NAA35: variants seen among roughly 807,000 people sequenced by gnomAD.
NAA35 encodes N-alpha-acetyltransferase 35, NatC auxiliary subunit.
In NAA35, 18 loss-of-function variants were observed where a neutral mutation model predicts 101.7. The ratio of observed to expected loss-of-function variants is 0.18; its 90% CI spans 0.12 to 0.26. The LOEUF is 0.26. Among genes scored for constraint, NAA35 ranks in the 10% least tolerant of loss-of-function variants. NAA35 has a pLI of 1.00. For missense variants in NAA35, 601 were observed against 886.8 expected, an observed-to-expected ratio of 0.68 and a Z score of 4.09; for synonymous variants, 267 against 273.1, an observed-to-expected ratio of 0.98 and a Z score of 0.22.
chr9:85,963,792 C>T (rs1829626223), intron 6 of NAA35, among the ~76,000 whole-genome samples: 1 of 152,238 alleles, frequency 6.6e-6, no homozygotes, highest in Non-Finnish European at 1.5e-5. Context: ...GAGAGGATTC[C>T]TTGAACAACA....
rs1831165611 is a variant in NAA35, at chr9:85,996,480, T to G, written c.959T>G (p.Ile320Ser). Residue 320 changes from isoleucine (I) to serine (S), a missense_variant, in exon 12 of 23, where the codon ATT (isoleucine) becomes AGT (serine). Ile to Ser is a moderately radical substitution (Grantham distance 142). Transcript: ENST00000361671. ...PPTFPRYAKIIKREEMVNYFA... is the reference protein window; with the variant it reads ...PPTFPRYAKISKREEMVNYFA... Reference sequence around the variant, plus strand: ...ACCTTCCCTCGATATGCAAAAATAATTAAAAGGGAAGAAATGGTGAACTAT... The same window carrying G: ...ACCTTCCCTCGATATGCAAAAATAAGTAAAAGGGAAGAAATGGTGAACTAT... The G allele has an allele frequency of 1.9e-6, 3 of 1,610,074 alleles. No homozygotes were observed. Among genetic ancestry groups the G allele is most frequent in the Non-Finnish European group, 2.5e-6 (3 of 1,178,490 alleles).
In NAA35 at chr9:85,965,345, G is replaced by A. The variant is rs114955669; in HGVS notation, c.516+3165G>A. Among the ~76,000 whole-genome samples the A allele has an allele frequency of 7.7e-3, 1,168 of 152,300 alleles. 12 individuals carry two copies. Among genetic ancestry groups the A allele is most frequent in the African/African-American group, 0.026 (1,087 of 41,572 alleles). On this transcript the variant is annotated intron_variant, in intron 6 of 22. Coordinates refer to ENST00000361671, the MANE Select transcript of NAA35 (RefSeq NM_024635.4). ...TCATACAATCAAGTGCTTTGCTGCTGGCCAGGCATGGTGGCTCATGCCTAT... is the reference window on the plus strand; with the variant it reads ...TCATACAATCAAGTGCTTTGCTGCTAGCCAGGCATGGTGGCTCATGCCTAT...
chr9:85,942,131 CTTACATCAGTATTAATT>C lies in NAA35; in HGVS notation c.-5-18_-5-2del. On this transcript the variant is annotated splice_region_variant and splice_polypyrimidine_tract_variant and intron_variant, in intron 1 of 22. Coordinates refer to ENST00000361671, the MANE Select transcript of NAA35 (RefSeq NM_024635.4). Reference sequence around the variant, plus strand: ...TTGCCCTGAAAGCTACATCCTCTCTCTTACATCAGTATTAATTTTACAGGCATAATGGTTATGAAAGC... The same window carrying C: ...TTGCCCTGAAAGCTACATCCTCTCTCTTACAGGCATAATGGTTATGAAAGC... The C allele has an allele frequency of 5.0e-6, 8 of 1,607,306 alleles. No individual in the cohort carries two copies. The highest frequency in any genetic ancestry group is 6.8e-6 in the Non-Finnish European group (8 of 1,177,970).
At chr9:85,963,263 CTT>C (rs527736196) in intron 6 of NAA35, among the ~76,000 whole-genome samples, 197 of 72,322 alleles carry the variant, frequency 2.7e-3, no homozygotes, top group African/African-American at 0.011. Context: ...GAAGGTATGG[CTT>C]TTTTTTTTTT....
intron 22 of NAA35, 39 bp from the exon 23 acceptor site, chr9:86,021,862 T>C: frequency 6.8e-7 from 1 of 1,470,702 alleles, no homozygotes; most frequent in Non-Finnish European, 9.5e-7. Context: ...ATCTGAATAT[T>C]TGTAGATACA....
intron 2 of NAA35, 29 bp downstream of exon 2, chr9:85,942,312 A>C: frequency 6.2e-7 from 1 of 1,610,442 alleles, no homozygotes; most frequent in Non-Finnish European, 8.5e-7. Flanking sequence ...TTAGAAGTTC[A>C]GCATCTGGAA....
At chr9:85,944,439 CCAGATTTGGGCGT>C (rs972558222) in intron 2 of NAA35, among the ~76,000 whole-genome samples, 6 of 152,162 alleles carry the variant, frequency 3.9e-5, no homozygotes, top group Admixed American at 3.9e-4. Context: ...TGCACTCAGC[CCAGATTTGGGCGT>C]TAAGGCCTTG....
chr9:86,003,674 T>C (rs531653151), intron 13 of NAA35, 30 bp downstream of exon 13: 2 of 1,354,224 alleles, frequency 1.5e-6, no homozygotes, highest in East Asian at 2.3e-5. Context: ...AAAATACTTA[T>C]TTAAACATTA....
Position 86,018,680 on chromosome 9 carries a change from T to C in NAA35, c.1915-19T>C, listed in dbSNP as rs760757139. 42 of 1,603,556 alleles carry C rather than the reference T, an allele frequency of 2.6e-5. No homozygotes were observed. Among genetic ancestry groups the C allele is most frequent in the Non-Finnish European group, 3.4e-5 (40 of 1,177,248 alleles). The stretch of plus-strand genomic sequence containing the variant: ...TTCATATTAAACGTGTTTTGAATTA[T>C]ACTTCCCCTTCTTTTTAGGAAATGT... On this transcript the variant is annotated intron_variant, in intron 20 of 22. Coordinates refer to ENST00000361671, the MANE Select transcript of NAA35 (RefSeq NM_024635.4).
At chr9:85,969,091 A>G (rs1829887554) in intron 6 of NAA35, among the ~76,000 whole-genome samples, 1 of 152,098 alleles carries the variant, frequency 6.6e-6, no homozygotes, top group African/African-American at 2.4e-5. Context: ...TGCTATGCCC[A>G]CTACACAGCT....
At position 86,005,091 on chromosome 9, in the gene NAA35, CAG is replaced by C. The variant is rs1386388503; in HGVS notation, c.1116+1449_1116+1450del. 5.3e-5 allele frequency among the ~76,000 whole-genome samples: 8 copies of C among 152,212 alleles called. No homozygotes were observed. The East Asian group carries it at 1.5e-3, about 29-fold the overall frequency. On this transcript the variant is annotated intron_variant, in intron 13 of 22. Transcript: ENST00000361671. The stretch of plus-strand genomic sequence containing the variant: ...ATGTAAAAATCTTATTCCATGAACA[CAG>C]ATGTAAAAATCTTCAATAAATTATT...
intron 22 of NAA35, among the ~76,000 whole-genome samples, chr9:86,021,437 C>T (rs978064832): frequency 2.0e-5 from 3 of 152,160 alleles, no homozygotes; most frequent in African/African-American, 7.2e-5. Context: ...AGGCCAGCCG[C>T]GGAGGCACCG....
chr9:85,956,327 A>G (rs1564288673), intron 2 of NAA35, 33 bp from the exon 3 acceptor site: 3 of 1,263,406 alleles, frequency 2.4e-6, no homozygotes, highest in Non-Finnish European at 3.3e-6. Flanking sequence ...AAATATAAAT[A>G]TGTTCAAAGG....
At chr9:86,002,024 A>G (rs755362244) in intron 12 of NAA35, among the ~76,000 whole-genome samples, 1 of 152,096 alleles carries the variant, frequency 6.6e-6, no homozygotes, top group Non-Finnish European at 1.5e-5. Flanking sequence ...TTCTATATTT[A>G]GGGCTCCTTT....
chr9:86,022,624 G>A lies in NAA35; in HGVS notation c.*664G>A, dbSNP rs1832618847. 6.6e-6 allele frequency among the ~76,000 whole-genome samples: 1 copy of A among 152,174 alleles called. No homozygotes were observed. Among genetic ancestry groups the A allele is most frequent in the Admixed American group, 6.5e-5 (1 of 15,276 alleles). On this transcript the variant is annotated 3_prime_UTR_variant, in exon 23 of 23. Coordinates refer to ENST00000361671, the MANE Select transcript of NAA35 (RefSeq NM_024635.4). ...TTTGCTGGTGACATGCAAAAAGGAGGCAGATAGAAATGTATATAGATTAAA... is the reference window on the plus strand; with the variant it reads ...TTTGCTGGTGACATGCAAAAAGGAGACAGATAGAAATGTATATAGATTAAA...
intron 2 of NAA35, among the ~76,000 whole-genome samples, chr9:85,955,521 C>T (rs1484434155): frequency 4.6e-5 from 7 of 151,130 alleles, no homozygotes; most frequent in Non-Finnish European, 5.9e-5. Context: ...CACCACCACA[C>T]CTGGCTAATT....
intron 21 of NAA35, among the ~76,000 whole-genome samples, chr9:86,019,514 G>T (rs564401953): frequency 2.6e-5 from 4 of 151,910 alleles, no homozygotes; most frequent in Non-Finnish European, 5.9e-5. Context: ...AAAATGACCG[G>T]GTCAGTTATC....
At position 86,007,412 on chromosome 9, in the gene NAA35, A is replaced by G. The variant is rs751936215; in HGVS notation, c.1171A>G (p.Met391Val). Residue 391 changes from methionine (M) to valine (V), a missense_variant, in exon 14 of 23, where the codon ATG becomes GTG. Around this residue, in one of 8 missense-constraint regions of NAA35, gnomAD observed 190 missense variants for 223.1 expected, o/e 0.85. Coordinates refer to ENST00000361671, the MANE Select transcript of NAA35 (RefSeq NM_024635.4). The part of the protein sequence containing the change: ...KVFGTHLMQD[M>V]VKDALRSFVS... ...CTTTGGAACTCATCTCATGCAAGACATGGTGAAAGATGCACTTCGGTCTTT... is the reference window on the plus strand; with the variant it reads ...CTTTGGAACTCATCTCATGCAAGACGTGGTGAAAGATGCACTTCGGTCTTT... 2.5e-6 allele frequency: 4 copies of G among 1,613,816 alleles called. No homozygotes were observed. In the African/African-American group the frequency reaches 4.0e-5, roughly 16 times the overall value.
chr9:85,971,376 A>G (rs939307090), intron 6 of NAA35, among the ~76,000 whole-genome samples: 12 of 152,014 alleles, frequency 7.9e-5, no homozygotes, highest in Non-Finnish European at 1.8e-4. Flanking sequence ...TCTTCTTAAT[A>G]CCAGTCTTTT....
Sources: gnomAD v4.1 joint callset for allele counts (sites outside exome capture counted in the v4.1 genomes callset) on GRCh38, gnomAD v4.1.1 for gene constraint, gnomAD v4.1.1 regional missense constraint, MANE v1.5 for transcripts, NCBI Gene and HGNC (gene_info 2026-07-23, HGNC 2026-07-21) for gene names.